The following SH3TC2 variants were observed in gnomAD, a reference collection of about 807,000 sequenced individuals.
SH3TC2 encodes SH3 domain and tetratricopeptide repeat-containing protein 2.
A neutral mutation model predicts 124.5 loss-of-function variants in SH3TC2; 87 were observed. That is an observed-to-expected ratio of 0.70 (90% CI 0.59 to 0.84). The LOEUF (loss-of-function observed/expected upper bound fraction) is 0.84. Ranked by LOEUF, SH3TC2 falls within the 40% of genes least tolerant of loss-of-function variation. SH3TC2 has a pLI of 0.00. For synonymous variants in SH3TC2, 634 were observed against 628.5 expected, an observed-to-expected ratio of 1.01 and a Z score of -0.13; for missense variants, 1,536 against 1,566.4, an observed-to-expected ratio of 0.98 and a Z score of 0.33.
chr5:149,055,626 T>C (rs1462156423), intron 1 of SH3TC2, among the ~76,000 whole-genome samples: 1 of 152,110 alleles, frequency 6.6e-6, no homozygotes, highest in Non-Finnish European at 1.5e-5. Context: ...AAGCTGACAG[T>C]GTCAATTCAA....
intron 4 of SH3TC2, 133 bp downstream of exon 4, chr5:149,044,399 CA>C (rs1230936028): frequency 1.4e-6 from 1 of 696,562 alleles, no homozygotes; most frequent in African/African-American, 1.8e-5. Flanking sequence ...TGTGAAATTT[CA>C]AAAGTTAACC....
chr5:149,013,612 T>C (rs574300084), intron 12 of SH3TC2, among the ~76,000 whole-genome samples: 1 of 152,334 alleles, frequency 6.6e-6, no homozygotes, highest in Admixed American at 6.5e-5. Flanking sequence ...AAAATCAAAG[T>C]AGAGTGAAAG....
chr5:149,027,325 C>T lies in SH3TC2; in HGVS notation c.2407G>A (p.Ala803Thr), dbSNP rs377434575. The T allele has an allele frequency of 2.0e-5, 33 of 1,613,906 alleles. No homozygotes were observed. Among genetic ancestry groups the T allele is most frequent in the Non-Finnish European group, 2.7e-5 (32 of 1,180,052 alleles). ...TGGCTGGCTAAGAGATAGGCCCATG[C>T]CAGGCAGAGAGAAGACTCAAAGGAT... Reference protein sequence around the residue: ...QESFESSLCLAWAYLLASQAK... With the variant: ...QESFESSLCLTWAYLLASQAK... The change falls in exon 11 of 17, where the codon GCA becomes ACA. Residue 803 changes from alanine to threonine, a missense_variant. Ala to Thr is a moderately conservative substitution (Grantham distance 58). This residue lies in a region of SH3TC2 where 1,102 missense variants were observed against 1,098.6 expected (regional missense o/e 1.00). Transcript: ENST00000515425.
Position 149,038,314 on chromosome 5 carries a change from G to T in SH3TC2, c.982C>A (p.Pro328Thr), listed in dbSNP as rs917887269. The change falls in exon 8 of 17, where the codon CCT becomes ACT. Residue 328 changes from proline (P) to threonine (T), a missense_variant. By Grantham distance (38) the Pro-to-Thr change is conservative. Around this residue, in one of 3 missense-constraint regions of SH3TC2, gnomAD observed 1,102 missense variants for 1,098.6 expected, o/e 1.00. Transcript: ENST00000515425. ...VGFVPTRNID[P>T]DSYSPMSRNS... ...ACTCACATTGGGGAATAAGAATCAG[G>T]ATCTATGTTCCTGGTGGGGACAAAG... is the stretch of plus-strand genomic sequence containing the variant. 6.2e-7 allele frequency: 1 copy of T among 1,614,092 alleles called. No homozygotes were observed. The highest frequency in any genetic ancestry group is 8.5e-7 in the Non-Finnish European group (1 of 1,179,954).
chr5:149,058,500 G>C (rs1017440797), intron 1 of SH3TC2, among the ~76,000 whole-genome samples: 5 of 151,624 alleles, frequency 3.3e-5, no homozygotes, highest in African/African-American at 1.2e-4. Flanking sequence ...TTATATGGAA[G>C]TGTCCATTCC....
intron 12 of SH3TC2, among the ~76,000 whole-genome samples, chr5:149,021,859 A>G (rs1160130241): frequency 2.0e-5 from 3 of 148,710 alleles, no homozygotes; most frequent in Non-Finnish European, 4.5e-5. Flanking sequence ...AAGGAGAATT[A>G]ACACCAATCC....
Position 149,028,381 on chromosome 5 carries a change from C to A in SH3TC2, c.1351G>T (p.Glu451Ter), listed in dbSNP as rs1308058909. 1 of 1,614,020 alleles carries A rather than the reference C, an allele frequency of 6.2e-7. No individual in the cohort carries two copies. Among genetic ancestry groups the A allele is most frequent in the Non-Finnish European group, 8.5e-7 (1 of 1,180,036 alleles). The change falls in exon 11 of 17, where the codon GAA becomes TAA. Residue 451 changes from glutamate to a stop codon, truncating the protein, a stop_gained. Coordinates refer to ENST00000515425, the MANE Select transcript of SH3TC2 (RefSeq NM_024577.4). LOFTEE classifies it high-confidence loss of function. The part of the protein sequence containing the change: ...LPEPDDLDDP[E>*]LLMDLSTGQE... ...CCAGTGCTTAGGTCCATGAGCAGTTCCGGGTCATCAAGGTCATCAGGCTCC... is the reference window on the plus strand; with the variant it reads ...CCAGTGCTTAGGTCCATGAGCAGTTACGGGTCATCAAGGTCATCAGGCTCC...
intron 8 of SH3TC2, among the ~76,000 whole-genome samples, chr5:149,032,881 G>A (rs946153122): frequency 4.6e-5 from 7 of 152,146 alleles, no homozygotes; most frequent in Non-Finnish European, 4.4e-5. Context: ...TCCCTGGGCT[G>A]ATCGCCAGAT....
chr5:149,043,898 T>C (rs896427769), intron 4 of SH3TC2: 5 of 153,054 alleles, frequency 3.3e-5, no homozygotes, highest in African/African-American at 1.2e-4. Context: ...ATATAAAACA[T>C]CCATCAAATT....
At chr5:149,026,241 A>G (rs1438015946) in intron 12 of SH3TC2, 2 of 328,630 alleles carry the variant, frequency 6.1e-6, no homozygotes, top group East Asian at 7.2e-5. Flanking sequence ...TAACAGTGGC[A>G]TTACTGAGAC....
chr5:149,008,449 TC>T (rs1753727169), intron 15 of SH3TC2: 1 of 245,546 alleles, frequency 4.1e-6, no homozygotes, highest in African/African-American at 2.2e-5. Context: ...CAGGGCACAG[TC>T]CTTTTGCAAT....
chr5:148,992,600 G>GTTTTTTTTTTTT lies in SH3TC2; in HGVS notation c.*12099_*12110dup, dbSNP rs35182601. Among the ~76,000 whole-genome samples the GTTTTTTTTTTTT allele has an allele frequency of 2.0e-5, 2 of 102,516 alleles. No individual in the cohort carries two copies. The highest frequency in any genetic ancestry group is 1.9e-5 in the Non-Finnish European group (1 of 53,700). The allele number at this position is 102,516 out of a possible 152,430, so 67.3% of individuals were successfully genotyped here. A position where few individuals can be genotyped will look rare whatever the true frequency, so the allele number is the denominator to read the frequency against. On this transcript the variant is annotated 3_prime_UTR_variant, in exon 17 of 17. Coordinates refer to ENST00000515425, the MANE Select transcript of SH3TC2 (RefSeq NM_024577.4). ...ATAATTCCAAGAAGAGATTTCATTG[G>GTTTTTTTTTTTT]TTTTTTTTTTTTTTTTTTTTTTCAG... is the stretch of plus-strand genomic sequence containing the variant.
Position 149,007,032 on chromosome 5 carries a change from A to G in SH3TC2, c.3524T>C (p.Val1175Ala). The G allele has an allele frequency of 6.2e-7, 1 of 1,614,180 alleles. No individual in the cohort carries two copies. The highest frequency in any genetic ancestry group is 8.5e-7 in the Non-Finnish European group (1 of 1,180,036). ...CTCATACATGTGCAGGGAGTAGTAC[A>G]CTGTAGCCAGGCGGTGAAAGGCCAC... Reference protein sequence around the residue: ...ELVAFHRLATVYYSLHMYEMA... With the variant: ...ELVAFHRLATAYYSLHMYEMA... Residue 1175 changes from valine (V) to alanine (A), a missense_variant, in exon 16 of 17, where the codon GTG (valine) becomes GCG (alanine). Val to Ala is a moderately conservative substitution (Grantham distance 64). This residue lies in a region of SH3TC2 where 426 missense variants were observed against 443.5 expected (regional missense o/e 0.96). Transcript: ENST00000515425.
Position 149,038,620 on chromosome 5 carries a change from C to T in SH3TC2, c.806-130G>A, listed in dbSNP as rs1190173986. On this transcript the variant is annotated intron_variant, in intron 7 of 16. Coordinates refer to ENST00000515425, the MANE Select transcript of SH3TC2 (RefSeq NM_024577.4). ...TCAAGGACCAGTAACATTTCACTCC[C>T]CTCCCCACCCAAAAATTGGCAGGAA... 6.3e-6 allele frequency: 6 copies of T among 946,112 alleles called. No individual in the cohort carries two copies. In the East Asian group the frequency reaches 1.5e-4, roughly 23 times the overall value. 58.6% of individuals were successfully genotyped at this position (946,112 alleles called of 1,614,324 possible).
intron 12 of SH3TC2, among the ~76,000 whole-genome samples, chr5:149,025,364 T>C (rs1754045851): frequency 6.6e-6 from 1 of 152,168 alleles, no homozygotes; most frequent in South Asian, 2.1e-4. Context: ...ATCTGATTAT[T>C]CCTTATCTGA....
At chr5:149,012,857 G>C in intron 12 of SH3TC2, 123 bp from the exon 13 acceptor site, 2 of 1,131,140 alleles carry the variant, frequency 1.8e-6, no homozygotes, top group Non-Finnish European at 2.6e-6. Context: ...CAGGGAGGTG[G>C]GCCTGATTGA....
rs1190739485 is a variant in SH3TC2 at position 148,986,832 on chromosome 5, T to G, written c.*17879A>C. Among the ~76,000 whole-genome samples, 1 of 152,154 alleles carries G rather than the reference T, an allele frequency of 6.6e-6. No homozygotes were observed. Among genetic ancestry groups the G allele is most frequent in the African/African-American group, 2.4e-5 (1 of 41,436 alleles). ...CTGTCTTGCTCCTCCAAGGGACACG[T>G]TGTATAAACAGCATCAAGTGTTAAC... is the stretch of plus-strand genomic sequence containing the variant. On this transcript the variant is annotated 3_prime_UTR_variant, in exon 17 of 17. Transcript: ENST00000515425.
At chr5:149,014,665 T>C (rs904628188) in intron 12 of SH3TC2, among the ~76,000 whole-genome samples, 2 of 152,190 alleles carry the variant, frequency 1.3e-5, no homozygotes, top group Non-Finnish European at 2.9e-5. Context: ...TTCTCAAGTT[T>C]TAAAATGTGA....
In SH3TC2 at chr5:148,990,688, T is replaced by A. The variant is rs1259343562; in HGVS notation, c.*14023A>T. The stretch of plus-strand genomic sequence containing the variant: ...GTTGTTGTGAACACAGAAAATGAAA[T>A]CATGCATTCAAAGAATTTAATCCAA... On this transcript the variant is annotated 3_prime_UTR_variant, in exon 17 of 17. Transcript: ENST00000515425. 1.3e-5 allele frequency among the ~76,000 whole-genome samples: 2 copies of A among 152,162 alleles called. No individual in the cohort carries two copies. Among genetic ancestry groups the A allele is most frequent in the African/African-American group, 4.8e-5 (2 of 41,428 alleles).
Sources: gnomAD v4.1 joint callset for allele counts (sites outside exome capture counted in the v4.1 genomes callset) on GRCh38, gnomAD v4.1.1 for gene constraint, gnomAD v4.1.1 regional missense constraint, MANE v1.5 for transcripts, NCBI Gene and HGNC (gene_info 2026-07-23, HGNC 2026-07-21) for gene names.